The following NADSYN1 variants were observed in gnomAD, a reference collection of about 807,000 sequenced individuals.
NADSYN1 encodes NAD synthetase 1, also known as glutamine-dependent NAD(+) synthetase.
In NADSYN1, 80 loss-of-function variants were observed where a neutral mutation model predicts 99.3. The observed-to-expected ratio is 0.81, with a 90% CI of 0.67 to 0.97. NADSYN1 has a LOEUF of 0.97. Ranked by LOEUF, NADSYN1 falls within the 50% of genes least tolerant of loss-of-function variation. The pLI, the probability that NADSYN1 is intolerant of heterozygous loss-of-function variation, is 0.00. For synonymous variants in NADSYN1, 385 were observed against 372.1 expected, an observed-to-expected ratio of 1.03 and a Z score of -0.40; for missense variants, 859 against 948.5, an observed-to-expected ratio of 0.91 and a Z score of 1.24.
At chr11:71,487,846 A>AG (rs1483850210) in intron 16 of NADSYN1, among the ~76,000 whole-genome samples, 13 of 148,606 alleles carry the variant, frequency 8.7e-5, no homozygotes, top group African/African-American at 3.0e-4. Flanking sequence ...AAAAAAAAAA[A>AG]AAAAGAAAAG....
intron 8 of NADSYN1, 109 bp downstream of exon 8, chr11:71,473,795 C>T: frequency 1.2e-6 from 1 of 838,618 alleles, no homozygotes; most frequent in Admixed American, 2.0e-5. Flanking sequence ...ATGGATGTTC[C>T]AGGCTAGTAA....
At chr11:71,453,460 G>A (rs1446261117) in intron 1 of NADSYN1, 79 bp downstream of exon 1, 3 of 1,327,512 alleles carry the variant, frequency 2.3e-6, no homozygotes, top group Non-Finnish European at 3.2e-6. Context: ...CCCGTGGCGT[G>A]CTCACAGCCT....
chr11:71,491,991 C>A, intron 18 of NADSYN1, 88 bp downstream of exon 18: 2 of 1,260,580 alleles, frequency 1.6e-6, no homozygotes, highest in Non-Finnish European at 1.1e-6. Flanking sequence ...TCCCTCCTGA[C>A]CCCAGGACAG....
At chr11:71,458,659 C>T (rs771177499) in intron 3 of NADSYN1, 115 bp downstream of exon 3, 4 of 749,026 alleles carry the variant, frequency 5.3e-6, no homozygotes, top group Non-Finnish European at 9.4e-6. Flanking sequence ...TCCAGGGATA[C>T]GAAAGGCCTT....
chr11:71,454,960 T>A lies in NADSYN1; in HGVS notation c.86-150T>A, dbSNP rs1949503360. Reference sequence around the variant, plus strand: ...GCTGCCATGCTGTCAACAGGAAGCCTGACTGCATCCCGTCTGGGAAGGCAC... The same window carrying A: ...GCTGCCATGCTGTCAACAGGAAGCCAGACTGCATCCCGTCTGGGAAGGCAC... On this transcript the variant is annotated intron_variant, in intron 1 of 20. Coordinates refer to ENST00000319023, the MANE Select transcript of NADSYN1 (RefSeq NM_018161.5). 12 of 636,952 alleles carry A rather than the reference T, an allele frequency of 1.9e-5. No individual in the cohort carries two copies. In the East Asian group the frequency reaches 3.3e-4, roughly 17 times the overall value. 39.5% of individuals were successfully genotyped at this position (636,952 alleles called of 1,614,324 possible). A position where few individuals can be genotyped will look rare whatever the true frequency, so the allele number is the denominator to read the frequency against.
At chr11:71,473,893 G>A (rs904207222) in intron 8 of NADSYN1, among the ~76,000 whole-genome samples, 50 of 152,230 alleles carry the variant, frequency 3.3e-4, no homozygotes, top group African/African-American at 1.2e-3. Context: ...ACCCTATGAA[G>A]CAACCCTGTC....
intron 2 of NADSYN1, among the ~76,000 whole-genome samples, chr11:71,456,140 G>C (rs1447182774): frequency 6.6e-6 from 1 of 152,188 alleles, no homozygotes. Flanking sequence ...TCTGGACTTA[G>C]AGTAAGCAGG....
intron 20 of NADSYN1, among the ~76,000 whole-genome samples, chr11:71,500,282 A>T (rs373275022): frequency 2.2e-4 from 34 of 152,204 alleles, no homozygotes; most frequent in African/African-American, 8.0e-4. Flanking sequence ...AGGCCACAAG[A>T]TGCCGCTTTA....
rs1239204393 is a variant in NADSYN1 at position 71,491,828 on chromosome 11, C to T, written c.1695-6C>T. On this transcript the variant is annotated splice_region_variant and splice_polypyrimidine_tract_variant and intron_variant, in intron 17 of 20. Coordinates refer to ENST00000319023, the MANE Select transcript of NADSYN1 (RefSeq NM_018161.5). ...ACTGACCGACCTCTGTGTGTTTTGG[C>T]TGCAGCATCCTGTTGGCGCCGGCCA... 2 of 1,613,704 alleles carry T rather than the reference C, an allele frequency of 1.2e-6. No homozygotes were observed. Among genetic ancestry groups the T allele is most frequent in the Admixed American group, 1.7e-5 (1 of 59,996 alleles).
In NADSYN1 at chr11:71,475,770, A is replaced by G. The variant is rs916544273; in HGVS notation, c.798+1244A>G. 4 of 313,506 alleles carry G rather than the reference A, an allele frequency of 1.3e-5. 1 individual carries two copies. The Admixed American group carries it at 1.8e-4, about 14-fold the overall frequency. The allele number at this position is 313,506 out of a possible 1,614,324, so 19.4% of individuals were successfully genotyped here. A position where few individuals can be genotyped will look rare whatever the true frequency, so the allele number is the denominator to read the frequency against. On this transcript the variant is annotated intron_variant, in intron 9 of 20. Transcript: ENST00000319023. ...TGCTCTGTCACCCAGGCTGGAGTGC[A>G]GTGGCGCAATCTTGGCTCGCTGCAA...
chr11:71,477,490 G>A (rs7950778), intron 9 of NADSYN1: 115 of 1,270,890 alleles, frequency 9.0e-5, no homozygotes, highest in African/African-American at 5.2e-4. Flanking sequence ...AGGTGGCCAC[G>A]GCCATCCTGT....
rs764981974 is a variant in NADSYN1 at position 71,473,668 on chromosome 11, G to C, written c.648G>C (p.Val216=). Residue 216 remains valine, a synonymous_variant, in exon 8 of 21, where the codon GTG becomes GTC. Coordinates refer to ENST00000319023, the MANE Select transcript of NADSYN1 (RefSeq NM_018161.5). The part of the protein sequence containing the change: ...LRKANTRVDL[V]TMVTSKNGGI... ...AAGCCAACACCAGGGTGGATCTCGT[G>C]ACTATGGTCACCAGCAAGGTAGGGG... The C allele has an allele frequency of 3.7e-5, 60 of 1,612,320 alleles. No individual in the cohort carries two copies. In the South Asian group the frequency reaches 6.2e-4, roughly 17 times the overall value.
chr11:71,460,101 G>C (rs1323953393), intron 3 of NADSYN1: 2 of 152,330 alleles, frequency 1.3e-5, no homozygotes, highest in Non-Finnish European at 2.9e-5. Context: ...GTCTGTTGTC[G>C]CAGTCCTCCT....
chr11:71,488,675 G>T (rs554174476), intron 16 of NADSYN1, among the ~76,000 whole-genome samples: 8 of 152,000 alleles, frequency 5.3e-5, no homozygotes, highest in Non-Finnish European at 1.0e-4. Flanking sequence ...TAGAGACAGG[G>T]TCTTGCTCTG....
intron 4 of NADSYN1, 90 bp from the exon 5 acceptor site, chr11:71,463,963 A>G: frequency 9.2e-7 from 1 of 1,083,996 alleles, no homozygotes; most frequent in South Asian, 1.4e-5. Flanking sequence ...TCTGCATGGC[A>G]TCACCTCGTC....
chr11:71,463,378 G>A, intron 3 of NADSYN1, 54 bp from the exon 4 acceptor site: 1 of 1,504,110 alleles, frequency 6.6e-7, no homozygotes, highest in East Asian at 2.3e-5. Flanking sequence ...GCCTCCATGT[G>A]CTCTGTGTTT....
chr11:71,485,569 CTGTT>C lies in NADSYN1; in HGVS notation c.1486_1489del (p.Phe496LeufsTer3), dbSNP rs1565604838. On this transcript the variant is annotated frameshift_variant, in exon 16 of 21. Coordinates refer to ENST00000319023, the MANE Select transcript of NADSYN1 (RefSeq NM_018161.5). LOFTEE classifies it high-confidence loss of function. Reference sequence around the variant, plus strand: ...TCGAATACGGATGGTCCTCGCCTATCTGTTTGCTCAGTTGAGCCTCTGGTCTCGG... The same window carrying C: ...TCGAATACGGATGGTCCTCGCCTATCTGCTCAGTTGAGCCTCTGGTCTCGG... 1 of 1,561,936 alleles carries C rather than the reference CTGTT, an allele frequency of 6.4e-7. No individual in the cohort carries two copies. The highest frequency in any genetic ancestry group is 8.7e-7 in the Non-Finnish European group (1 of 1,152,320).
intron 3 of NADSYN1, among the ~76,000 whole-genome samples, chr11:71,462,661 GTTAC>G (rs1486939699): frequency 6.6e-6 from 1 of 152,186 alleles, no homozygotes; most frequent in Admixed American, 6.5e-5. Context: ...GTTCACACCG[GTTAC>G]TTAGCCAGTG....
intron 5 of NADSYN1, among the ~76,000 whole-genome samples, chr11:71,469,395 C>T (rs1048436892): frequency 6.6e-6 from 1 of 152,098 alleles, no homozygotes; most frequent in East Asian, 1.9e-4. Context: ...ACCCTAATCC[C>T]GCAGCACTAG....
Sources: gnomAD v4.1 joint callset for allele counts (sites outside exome capture counted in the v4.1 genomes callset) on GRCh38, gnomAD v4.1.1 for gene constraint, MANE v1.5 for transcripts, NCBI Gene and HGNC (gene_info 2026-07-23, HGNC 2026-07-21) for gene names.